CREBBP: variants seen among roughly 807,000 people sequenced by gnomAD.
CREBBP encodes the protein CREB-binding protein.
CREBBP carries 19 observed loss-of-function variants against 265.0 expected under a neutral mutation model. The observed-to-expected ratio is 0.07, with a 90% confidence interval of 0.05 to 0.11. The LOEUF is 0.11. Ranked by LOEUF, CREBBP falls within the 10% of genes least tolerant of loss-of-function variation. CREBBP has a pLI of 1.00. For missense variants in CREBBP, 2,525 were observed against 3,219.0 expected, an observed-to-expected ratio of 0.78 and a Z score of 5.22; for synonymous variants, 1,457 against 1,223.7, an observed-to-expected ratio of 1.19 and a Z score of -3.98.
In CREBBP at chr16:3,764,700, C is replaced by T. The variant is rs567180648; in HGVS notation, c.3250+3020G>A. Among the ~76,000 whole-genome samples the T allele has an allele frequency of 2.4e-4, 37 of 152,230 alleles. No individual in the cohort carries two copies. The South Asian group carries it at 5.0e-3, about 20-fold the overall frequency. ...CTGAGCTCAAGTGATCCTGCTGCCTCAGCCTCCTGAGTAGCCAGGACTACA... is the reference window on the plus strand; with the variant it reads ...CTGAGCTCAAGTGATCCTGCTGCCTTAGCCTCCTGAGTAGCCAGGACTACA... On this transcript the variant is annotated intron_variant, in intron 16 of 30. Transcript: ENST00000262367.
intron 19 of CREBBP, among the ~76,000 whole-genome samples, chr16:3,755,189 T>TATATGCCATCAATGACTTC (rs990531104): frequency 6.6e-6 from 1 of 152,248 alleles, no homozygotes; most frequent in South Asian, 2.1e-4. Context: ...TCAATGACTT[T>TATATGCCATCAATGACTTC]ATATGCCATC....
intron 22 of CREBBP, 128 bp from the exon 23 acceptor site, chr16:3,745,089 G>A (rs2052309751): frequency 1.1e-6 from 1 of 902,488 alleles, no homozygotes; most frequent in Non-Finnish European, 1.8e-6. Context: ...GAGTGAAGAG[G>A]CAGACTGCTT....
rs146294349 is a variant in CREBBP, at chr16:3,821,159, A to T, written c.799-10380T>A. On this transcript the variant is annotated intron_variant, in intron 2 of 30. Transcript: ENST00000262367. ...CTATAAAATAGGAAGCATTTAGATT[A>T]TCATTAGGTGATCTTTAAAGTTCTT... Among the ~76,000 whole-genome samples, 344 of 152,358 alleles carry T rather than the reference A, an allele frequency of 2.3e-3. 3 individuals carry two copies. The highest frequency in any genetic ancestry group is 3.5e-3 in the Non-Finnish European group (240 of 68,032).
chr16:3,860,991 A>G (rs1374827456), intron 1 of CREBBP, among the ~76,000 whole-genome samples: 1 of 152,098 alleles, frequency 6.6e-6, no homozygotes, highest in African/African-American at 2.4e-5. Context: ...ATGGAAGGAC[A>G]GCTGGGTGCA....
rs540124434 is a variant in CREBBP at position 3,729,986 on chromosome 16, C to A, written c.5173-112G>T. 10 of 1,528,580 alleles carry A rather than the reference C, an allele frequency of 6.5e-6. No individual in the cohort carries two copies. In the Admixed American group the frequency reaches 2.0e-4, roughly 30 times the overall value. The allele number at this position is 1,528,580 out of a possible 1,614,324, so 94.7% of individuals were successfully genotyped here. A position where few individuals can be genotyped will look rare whatever the true frequency, so the allele number is the denominator to read the frequency against. On this transcript the variant is annotated intron_variant, in intron 30 of 30. Transcript: ENST00000262367. ...CTGGGTCTGTGCCAGGAGACCCAGGCAGGATAGGAGACCCAGACAGGATGC... is the reference window on the plus strand; with the variant it reads ...CTGGGTCTGTGCCAGGAGACCCAGGAAGGATAGGAGACCCAGACAGGATGC...
intron 16 of CREBBP, 129 bp downstream of exon 16, chr16:3,767,591 A>T: frequency 8.0e-7 from 1 of 1,255,694 alleles, no homozygotes; most frequent in Non-Finnish European, 1.1e-6. Flanking sequence ...AAGTCTGGGG[A>T]ATGGCAGGCA....
chr16:3,846,608 A>G (rs1489905576), intron 2 of CREBBP, among the ~76,000 whole-genome samples: 1 of 152,222 alleles, frequency 6.6e-6, no homozygotes, highest in Non-Finnish European at 1.5e-5. Flanking sequence ...CCAAATCAGG[A>G]ATTCCTATTG....
rs185506172 is a variant in CREBBP, at chr16:3,828,381, C to T, written c.799-17602G>A. ...TACTGGGATTACAAGCGTGAGCCAC[C>T]ATGCCCGTCGAAAGCTGACTTCTTT... On this transcript the variant is annotated intron_variant, in intron 2 of 30. Coordinates refer to ENST00000262367, the MANE Select transcript of CREBBP (RefSeq NM_004380.3). Among the ~76,000 whole-genome samples, 3 of 152,322 alleles carry T rather than the reference C, an allele frequency of 2.0e-5. No homozygotes were observed. The East Asian group carries it at 5.8e-4, about 29-fold the overall frequency.
chr16:3,760,459 G>A (rs1263526277), intron 16 of CREBBP, among the ~76,000 whole-genome samples: 1 of 132,694 alleles, frequency 7.5e-6, no homozygotes, highest in Non-Finnish European at 1.6e-5. Flanking sequence ...CTGGAGTGCA[G>A]TGGTACGATC....
At chr16:3,741,507 T>A (rs889625748) in intron 23 of CREBBP, 12 of 152,172 alleles carry the variant, frequency 7.9e-5, no homozygotes, top group African/African-American at 2.7e-4. Flanking sequence ...TAAAAATGAT[T>A]TAAAAAGAAA....
chr16:3,739,416 T>G (rs537249899), intron 25 of CREBBP, 162 bp downstream of exon 25: 2 of 821,714 alleles, frequency 2.4e-6, no homozygotes, highest in South Asian at 3.3e-5. Context: ...TTCCCGCTAG[T>G]TTAATGGAAA....
intron 1 of CREBBP, among the ~76,000 whole-genome samples, chr16:3,860,891 T>C (rs2055058764): frequency 6.6e-6 from 1 of 152,020 alleles, no homozygotes; most frequent in Non-Finnish European, 1.5e-5. Flanking sequence ...CAGTCTGGTG[T>C]AGTGAGAAGA....
At chr16:3,800,046 G>C (rs1309352277) in intron 3 of CREBBP, among the ~76,000 whole-genome samples, 1 of 152,076 alleles carries the variant, frequency 6.6e-6, no homozygotes, top group South Asian at 2.1e-4. Context: ...AATTAAGGTG[G>C]GTACTTTGTT....
chr16:3,759,058 T>C, intron 16 of CREBBP, 86 bp from the exon 17 acceptor site: 5 of 1,053,186 alleles, frequency 4.7e-6, no homozygotes, highest in Non-Finnish European at 7.4e-6. Context: ...TCCTGGCTGC[T>C]GTGACATCCC....
Position 3,837,975 on chromosome 16 carries a change from C to T in CREBBP, c.798+12322G>A, listed in dbSNP as rs2054489652. Reference sequence around the variant, plus strand: ...TGCAAACACCATTCATAGTAAATGCCTTATACAGGTGTGTTTTACACACAC... The same window carrying T: ...TGCAAACACCATTCATAGTAAATGCTTTATACAGGTGTGTTTTACACACAC... On this transcript the variant is annotated intron_variant, in intron 2 of 30. Coordinates refer to ENST00000262367, the MANE Select transcript of CREBBP (RefSeq NM_004380.3). Among the ~76,000 whole-genome samples the T allele has an allele frequency of 7.9e-5, 12 of 152,162 alleles. 1 individual carries two copies. In the South Asian group the frequency reaches 2.5e-3, roughly 32 times the overall value.
At chr16:3,761,527 G>C (rs759561543) in intron 16 of CREBBP, 3 of 518,618 alleles carry the variant, frequency 5.8e-6, no homozygotes, top group African/African-American at 5.8e-5. Flanking sequence ...GGCGCACCAA[G>C]AACATGCCTC....
At chr16:3,849,440 TGTGTGTG>T (rs2054761939) in intron 2 of CREBBP, among the ~76,000 whole-genome samples, 3 of 14,866 alleles carry the variant, frequency 2.0e-4, no homozygotes, top group Admixed American at 1.6e-3. Context: ...TGTGTGTGTG[TGTGTGTG>T]TGTGTGTGTG....
intron 28 of CREBBP, among the ~76,000 whole-genome samples, chr16:3,733,731 T>C (rs1271431423): frequency 6.6e-6 from 1 of 152,158 alleles, no homozygotes; most frequent in Non-Finnish European, 1.5e-5. Context: ...AATCTGTGCC[T>C]CCCGGGTTCA....
chr16:3,738,801 G>A (rs2052133565), intron 25 of CREBBP, 129 bp from the exon 26 acceptor site: 5 of 703,524 alleles, frequency 7.1e-6, no homozygotes, highest in Non-Finnish European at 7.7e-6. Flanking sequence ...GCTGCAATGC[G>A]GTGACGCGGT....
Sources: gnomAD v4.1 joint callset for allele counts (sites outside exome capture counted in the v4.1 genomes callset) on GRCh38, gnomAD v4.1.1 for gene constraint, MANE v1.5 for transcripts, NCBI Gene and HGNC (gene_info 2026-07-23, HGNC 2026-07-21) for gene names.